Variants in CDC40 observed in about 807,000 individuals in gnomAD.
The protein encoded by CDC40 is cell division cycle 40, also known as pre-mRNA-processing factor 17.
CDC40 carries 27 observed loss-of-function variants against 80.6 expected under a neutral mutation model. That is an observed-to-expected ratio of 0.33 (90% CI 0.25 to 0.46). The LOEUF (loss-of-function observed/expected upper bound fraction) is 0.46, where lower values mean the gene tolerates loss of function less well. Ranked by LOEUF, CDC40 falls within the 20% of genes least tolerant of loss-of-function variation. CDC40 has a pLI of 1.00. For synonymous variants in CDC40, 221 were observed against 232.6 expected, an observed-to-expected ratio of 0.95 and a Z score of 0.45; for missense variants, 486 against 694.1, an observed-to-expected ratio of 0.70 and a Z score of 3.37.
rs1003393122 is a variant in CDC40, at chr6:110,197,700, G to A, written c.277-3858G>A. Reference sequence around the variant, plus strand: ...TCATGTGATACTTGTCCCAGCACCTGGCTTATTCCACTTAACATAATGCCC... The same window carrying A: ...TCATGTGATACTTGTCCCAGCACCTAGCTTATTCCACTTAACATAATGCCC... On this transcript the variant is annotated intron_variant, in intron 2 of 14. Transcript: ENST00000307731. Among the ~76,000 whole-genome samples the A allele has an allele frequency of 1.9e-4, 28 of 147,378 alleles. 1 individual carries two copies. Among genetic ancestry groups the A allele is most frequent in the East Asian group, 2.0e-4 (1 of 4,904 alleles).
intron 3 of CDC40, among the ~76,000 whole-genome samples, chr6:110,206,159 A>T (rs117834546): frequency 0.072 from 10,978 of 152,096 alleles, 534 homozygotes; most frequent in African/African-American, 0.14. Context: ...TGTGTGTGAG[A>T]TGGAGTCTCG....
chr6:110,186,507 A>C lies in CDC40; in HGVS notation c.189+5874A>C, dbSNP rs74435299. On this transcript the variant is annotated intron_variant, in intron 1 of 14. Transcript: ENST00000307731. The stretch of plus-strand genomic sequence containing the variant: ...TCATAAATAAATAAATAAATAAATA[A>C]ATACATAAAATGCTTTCATTTAACT... Among the ~76,000 whole-genome samples the C allele has an allele frequency of 1.7e-3, 260 of 152,038 alleles. 2 individuals are homozygous for C. Among genetic ancestry groups the C allele is most frequent in the East Asian group, 4.5e-3 (23 of 5,158 alleles).
intron 2 of CDC40, among the ~76,000 whole-genome samples, chr6:110,199,518 C>T (rs1322437318): frequency 2.7e-5 from 4 of 150,186 alleles, no homozygotes; most frequent in Admixed American, 6.6e-5. Context: ...GGTGTGAACC[C>T]GGGAGGCAGA....
At chr6:110,195,069 G>A (rs1387541874) in intron 2 of CDC40, among the ~76,000 whole-genome samples, 1 of 152,156 alleles carries the variant, frequency 6.6e-6, no homozygotes, top group African/African-American at 2.4e-5. Flanking sequence ...GGACTTAAAA[G>A]GGAAGCAAAA....
At chr6:110,189,796 C>T (rs1458954064) in intron 1 of CDC40, among the ~76,000 whole-genome samples, 1 of 152,178 alleles carries the variant, frequency 6.6e-6, no homozygotes, top group Non-Finnish European at 1.5e-5. Context: ...CAACCTGACA[C>T]CCCATCTGTT....
At chr6:110,199,888 C>T (rs1777472905) in intron 2 of CDC40, among the ~76,000 whole-genome samples, 2 of 152,160 alleles carry the variant, frequency 1.3e-5, no homozygotes, top group South Asian at 4.1e-4. Flanking sequence ...TGGATGATAG[C>T]TGACCGTAGC....
intron 3 of CDC40, among the ~76,000 whole-genome samples, chr6:110,202,886 T>C (rs1777511005): frequency 1.3e-5 from 2 of 152,114 alleles, no homozygotes; most frequent in South Asian, 4.1e-4. Context: ...GATTTTTGCC[T>C]CTCCCACTAG....
intron 1 of CDC40, among the ~76,000 whole-genome samples, chr6:110,182,852 C>G (rs1415740555): frequency 6.6e-6 from 1 of 152,124 alleles, no homozygotes; most frequent in Non-Finnish European, 1.5e-5. Context: ...AGTTTTATAC[C>G]CCATTCTTTT....
At chr6:110,197,960 G>T (rs1326880260) in intron 2 of CDC40, among the ~76,000 whole-genome samples, 2 of 151,816 alleles carry the variant, frequency 1.3e-5, no homozygotes, top group Non-Finnish European at 2.9e-5. Context: ...TTAATTTTTT[G>T]AGGAGCCTCC....
At chr6:110,217,188 G>A (rs1045117577) in intron 9 of CDC40, among the ~76,000 whole-genome samples, 1 of 152,136 alleles carries the variant, frequency 6.6e-6, no homozygotes, top group African/African-American at 2.4e-5. Flanking sequence ...ATGAAATTTG[G>A]TAATGTGATC....
chr6:110,226,329 T>A lies in CDC40; in HGVS notation c.1417+86T>A, dbSNP rs182076192. 4.5e-4 allele frequency: 350 copies of A among 771,200 alleles called. 1 individual carries two copies. The Middle Eastern group carries it at 8.4e-3, about 19-fold the overall frequency. The allele number at this position is 771,200 out of a possible 1,614,324, so 47.8% of individuals were successfully genotyped here. Reference sequence around the variant, plus strand: ...ATTCAAAAGAACTTTGGCCCCTTCCTTCTTGGGGAAGTTTGTCACTGTGCC... The same window carrying A: ...ATTCAAAAGAACTTTGGCCCCTTCCATCTTGGGGAAGTTTGTCACTGTGCC... On this transcript the variant is annotated intron_variant, in intron 13 of 14. Transcript: ENST00000307731.
At chr6:110,229,035 T>G (rs1777901491) in intron 14 of CDC40, 59 bp downstream of exon 14, 1 of 1,323,254 alleles carries the variant, frequency 7.6e-7, no homozygotes, top group East Asian at 2.5e-5. Context: ...AAACTGTTGT[T>G]GTACAAATAA....
At chr6:110,200,035 C>T (rs80000089) in intron 2 of CDC40, among the ~76,000 whole-genome samples, 4,228 of 152,068 alleles carry the variant, frequency 0.028, 92 homozygotes, top group East Asian at 0.12. Context: ...TTTTTTTCCC[C>T]GACATTTTTC....
At chr6:110,185,792 C>T (rs1777261186) in intron 1 of CDC40, among the ~76,000 whole-genome samples, 1 of 152,148 alleles carries the variant, frequency 6.6e-6, no homozygotes, top group African/African-American at 2.4e-5. Context: ...ATGTGAGGTG[C>T]AGCCATGGCA....
intron 3 of CDC40, among the ~76,000 whole-genome samples, chr6:110,205,514 G>A (rs1272114583): frequency 6.6e-5 from 10 of 152,160 alleles, no homozygotes; most frequent in Non-Finnish European, 1.0e-4. Flanking sequence ...GGCAGTAGTG[G>A]GGATGGTGGT....
chr6:110,210,528 G>A (rs962420921), intron 5 of CDC40, among the ~76,000 whole-genome samples, 179 bp from the exon 6 acceptor site: 2 of 147,674 alleles, frequency 1.4e-5, no homozygotes, highest in African/African-American at 5.1e-5. Context: ...CTCCAGCCTG[G>A]GCGACAGTGC....
At chr6:110,212,075 A>T in intron 6 of CDC40, 58 bp from the exon 7 acceptor site, 1 of 1,414,228 alleles carries the variant, frequency 7.1e-7, no homozygotes, top group Non-Finnish European at 9.9e-7. Context: ...TAAGAATGTT[A>T]GGTTTCATGA....
intron 1 of CDC40, among the ~76,000 whole-genome samples, chr6:110,181,414 A>G (rs1406223527): frequency 6.6e-6 from 1 of 152,222 alleles, no homozygotes; most frequent in East Asian, 1.9e-4. Flanking sequence ...ACCAATTGGT[A>G]GTGTAGGCCC....
intron 3 of CDC40, among the ~76,000 whole-genome samples, chr6:110,206,230 C>T (rs530315487): frequency 6.6e-6 from 1 of 152,100 alleles, no homozygotes; most frequent in African/African-American, 2.4e-5. Context: ...CTACACCTCC[C>T]CGGTTCACAC....
Sources: allele counts gnomAD v4.1 joint callset (sites outside exome capture counted in the v4.1 genomes callset), GRCh38; gene constraint gnomAD v4.1.1; transcripts MANE v1.5; gene names NCBI Gene and HGNC (gene_info 2026-07-23, HGNC 2026-07-21).